BRIP1: variants seen among roughly 807,000 people sequenced by gnomAD.
BRIP1 encodes the protein Fanconi anemia group J protein.
A neutral mutation model predicts 119.7 loss-of-function variants in BRIP1; 88 were observed. The ratio of observed to expected loss-of-function variants is 0.74; its 90% CI spans 0.62 to 0.88. BRIP1 has a LOEUF of 0.88. Among genes scored for constraint, BRIP1 ranks in the 40% least tolerant of loss-of-function variants. The pLI is 0.00. For missense variants in BRIP1, 1,259 were observed against 1,455.4 expected, an observed-to-expected ratio of 0.87 and a Z score of 2.20; for synonymous variants, 443 against 496.5, an observed-to-expected ratio of 0.89 and a Z score of 1.43.
At chr17:61,829,235 A>G (rs1460618020) in intron 6 of BRIP1, among the ~76,000 whole-genome samples, 5 of 152,106 alleles carry the variant, frequency 3.3e-5, no homozygotes, top group Admixed American at 1.3e-4. Context: ...GTTAAAAATA[A>G]AAGGATGAAA....
In BRIP1 at chr17:61,832,521, A is replaced by T. The variant is rs748998291; in HGVS notation, c.627+14580T>A. Among the ~76,000 whole-genome samples, 12 of 152,250 alleles carry T rather than the reference A, an allele frequency of 7.9e-5. No homozygotes were observed. Among genetic ancestry groups the T allele is most frequent in the Non-Finnish European group, 1.5e-4 (10 of 68,030 alleles). On this transcript the variant is annotated intron_variant, in intron 6 of 19. Coordinates refer to ENST00000259008, the MANE Select transcript of BRIP1 (RefSeq NM_032043.3). The surrounding 1 kb of genome is among the most constrained non-coding windows in gnomAD (Gnocchi z 5.5). ...AAAAAATGAAACTGCGTGCCACCTT[A>T]TAAGATGCAATGAGCAGAAGGCATC...
At position 61,846,978 on chromosome 17, in the gene BRIP1, A is replaced by G. The variant is rs1416550121; in HGVS notation, c.627+123T>C. 8.9e-7 allele frequency: 1 copy of G among 1,122,400 alleles called. No homozygotes were observed. The highest frequency in any genetic ancestry group is 1.3e-6 in the Non-Finnish European group (1 of 761,580). 69.5% of individuals were successfully genotyped at this position (1,122,400 alleles called of 1,614,324 possible). A position where few individuals can be genotyped will look rare whatever the true frequency, so the allele number is the denominator to read the frequency against. On this transcript the variant is annotated intron_variant, in intron 6 of 19. Transcript: ENST00000259008. This position sits in a 1 kb window ranked among gnomAD's most constrained non-coding sequence, Gnocchi z 4.3. ...TAGTAACAGAGATGTGACAGCATTG[A>G]GGACTTCTGAGTGGGTTGCTACTGT...
chr17:61,728,347 TC>T, intron 16 of BRIP1, among the ~76,000 whole-genome samples: 2 of 151,914 alleles, frequency 1.3e-5, no homozygotes, highest in South Asian at 4.2e-4. Context: ...CATTTCTTTT[TC>T]CCTCACCTGT....
rs978495306 is a variant in BRIP1 at position 61,736,802 on chromosome 17, A to T, written c.2379+6211T>A. On this transcript the variant is annotated intron_variant, in intron 16 of 19. Coordinates refer to ENST00000259008, the MANE Select transcript of BRIP1 (RefSeq NM_032043.3). The surrounding 1 kb of genome is among the most constrained non-coding windows in gnomAD (Gnocchi z 4.4). ...CTCAAGGTACACCATGAAACAGATT[A>T]TAAAACATCTTTATAAACACTAAAT... 7.2e-5 allele frequency among the ~76,000 whole-genome samples: 11 copies of T among 152,186 alleles called. No homozygotes were observed. Among genetic ancestry groups the T allele is most frequent in the Non-Finnish European group, 1.5e-4 (10 of 68,014 alleles).
rs1023775213 is a variant in BRIP1 at position 61,809,971 on chromosome 17, T to C, written c.628-1214A>G. On this transcript the variant is annotated intron_variant, in intron 6 of 19. Coordinates refer to ENST00000259008, the MANE Select transcript of BRIP1 (RefSeq NM_032043.3). This position sits in a 1 kb window ranked among gnomAD's most constrained non-coding sequence, Gnocchi z 5.2. ...AATTACTCCCAGTCTCACTCAACCTTGTCCGCCATTAAATATTACAATACA... is the reference window on the plus strand; with the variant it reads ...AATTACTCCCAGTCTCACTCAACCTCGTCCGCCATTAAATATTACAATACA... Among the ~76,000 whole-genome samples, 1 of 152,178 alleles carries C rather than the reference T, an allele frequency of 6.6e-6. No individual in the cohort carries two copies. Among genetic ancestry groups the C allele is most frequent in the African/African-American group, 2.4e-5 (1 of 41,458 alleles).
rs2077187991 is a variant in BRIP1 at position 61,755,462 on chromosome 17, G to A, written c.2098-10871C>T. Among the ~76,000 whole-genome samples, 1 of 152,174 alleles carries A rather than the reference G, an allele frequency of 6.6e-6. No homozygotes were observed. The highest frequency in any genetic ancestry group is 2.4e-5 in the African/African-American group (1 of 41,428). Reference sequence around the variant, plus strand: ...TGATCCCAGTTACTCAGGAGGCTGAGGTGGGAGGACTGCTTGAGCCCTGGA... The same window carrying A: ...TGATCCCAGTTACTCAGGAGGCTGAAGTGGGAGGACTGCTTGAGCCCTGGA... On this transcript the variant is annotated intron_variant, in intron 14 of 19. Transcript: ENST00000259008. This position sits in a 1 kb window ranked among gnomAD's most constrained non-coding sequence, Gnocchi z 4.5.
rs2061368210 is a variant in BRIP1 at position 61,686,561 on chromosome 17, T to C, written c.2576-396A>G. 6.6e-6 allele frequency among the ~76,000 whole-genome samples: 1 copy of C among 152,114 alleles called. No homozygotes were observed. Among genetic ancestry groups the C allele is most frequent in the African/African-American group, 2.4e-5 (1 of 41,432 alleles). On this transcript the variant is annotated intron_variant, in intron 18 of 19. Coordinates refer to ENST00000259008, the MANE Select transcript of BRIP1 (RefSeq NM_032043.3). This position sits in a 1 kb window ranked among gnomAD's most constrained non-coding sequence, Gnocchi z 5.4. ...AATACAACTTTCCATTCTAATATTC[T>C]AAATTTTACTCCTTTTGCAAAAATA...
Position 61,825,902 on chromosome 17 carries a change from T to C in BRIP1, c.628-17145A>G, listed in dbSNP as rs934103011. The stretch of plus-strand genomic sequence containing the variant: ...TTCTTCAGAGAACTAGGAAAAACTC[T>C]TTTAAAACTCATATGGAACCAAAAA... On this transcript the variant is annotated intron_variant, in intron 6 of 19. Transcript: ENST00000259008. The surrounding 1 kb of genome is among the most constrained non-coding windows in gnomAD (Gnocchi z 4.1). 4.6e-5 allele frequency among the ~76,000 whole-genome samples: 7 copies of C among 152,076 alleles called. No individual in the cohort carries two copies. Among genetic ancestry groups the C allele is most frequent in the Admixed American group, 2.0e-4 (3 of 15,264 alleles).
rs1060501774 is a variant in BRIP1 at position 61,683,718 on chromosome 17, C to A, written c.3328G>T (p.Glu1110Ter). Residue 1110 changes from glutamate to a stop codon, truncating the protein, a stop_gained, in exon 20 of 20, where the codon GAA becomes TAA. Coordinates refer to ENST00000259008, the MANE Select transcript of BRIP1 (RefSeq NM_032043.3). LOFTEE classifies it low-confidence loss of function (END_TRUNC). The surrounding 1 kb of genome is among the most constrained non-coding windows in gnomAD (Gnocchi z 4.7). ...TTTGAAGTGGACTGTTTATCTTCTT[C>A]ACTTACTAGAGACAATTCAATGTCT... ...DPDIELSLVS[E>*]EDKQSTSNRD... 1 of 1,614,056 alleles carries A rather than the reference C, an allele frequency of 6.2e-7. No homozygotes were observed. The highest frequency in any genetic ancestry group is 8.5e-7 in the Non-Finnish European group (1 of 1,179,970).
rs886053210 is a variant in BRIP1 at position 61,682,396 on chromosome 17, G to T, written c.*900C>A. 6 of 205,054 alleles carry T rather than the reference G, an allele frequency of 2.9e-5. No homozygotes were observed. Among genetic ancestry groups the T allele is most frequent in the Non-Finnish European group, 6.0e-5 (6 of 100,356 alleles). 12.7% of individuals were successfully genotyped at this position (205,054 alleles called of 1,614,324 possible). Reference sequence around the variant, plus strand: ...CAATGATGGTGAAGCTAAATAATTAGAATAGAAAATTTGGAATACTTCATT... The same window carrying T: ...CAATGATGGTGAAGCTAAATAATTATAATAGAAAATTTGGAATACTTCATT... On this transcript the variant is annotated 3_prime_UTR_variant, in exon 20 of 20. Coordinates refer to ENST00000259008, the MANE Select transcript of BRIP1 (RefSeq NM_032043.3). The surrounding 1 kb of genome is among the most constrained non-coding windows in gnomAD (Gnocchi z 4.9).
rs1441948461 is a variant in BRIP1 at position 61,842,941 on chromosome 17, A to G, written c.627+4160T>C. Among the ~76,000 whole-genome samples the G allele has an allele frequency of 6.6e-6, 1 of 152,234 alleles. No homozygotes were observed. Among genetic ancestry groups the G allele is most frequent in the Admixed American group, 6.5e-5 (1 of 15,288 alleles). Reference sequence around the variant, plus strand: ...AGAGTAGAGCTATGATTAAAATCCAAGCAGTCTCAAGATATGAAAATAACC... The same window carrying G: ...AGAGTAGAGCTATGATTAAAATCCAGGCAGTCTCAAGATATGAAAATAACC... On this transcript the variant is annotated intron_variant, in intron 6 of 19. Coordinates refer to ENST00000259008, the MANE Select transcript of BRIP1 (RefSeq NM_032043.3). This position sits in a 1 kb window ranked among gnomAD's most constrained non-coding sequence, Gnocchi z 5.1.
In BRIP1 at chr17:61,730,502, AG is replaced by A. The variant is rs966559463; in HGVS notation, c.2379+12510del. On this transcript the variant is annotated intron_variant, in intron 16 of 19. Coordinates refer to ENST00000259008, the MANE Select transcript of BRIP1 (RefSeq NM_032043.3). The surrounding 1 kb of genome is among the most constrained non-coding windows in gnomAD (Gnocchi z 4.3). Reference sequence around the variant, plus strand: ...GTGTCAATCAACCTTACAAGTCCTCAGGGTGATAATTTCACTTTTAAATCCT... The same window carrying A: ...GTGTCAATCAACCTTACAAGTCCTCAGGTGATAATTTCACTTTTAAATCCT... Among the ~76,000 whole-genome samples the A allele has an allele frequency of 2.0e-5, 3 of 152,198 alleles. No individual in the cohort carries two copies. Among genetic ancestry groups the A allele is most frequent in the African/African-American group, 7.2e-5 (3 of 41,462 alleles).
chr17:61,763,649 A>G (rs1446804357), intron 14 of BRIP1, among the ~76,000 whole-genome samples: 3 of 152,202 alleles, frequency 2.0e-5, no homozygotes, highest in Non-Finnish European at 4.4e-5. Flanking sequence ...AGACTGATGT[A>G]TCTTTTGAAA....
At position 61,679,533 on chromosome 17, in the gene BRIP1, A is replaced by G. The variant is rs1296433824; in HGVS notation, c.*3763T>C. On this transcript the variant is annotated 3_prime_UTR_variant, in exon 20 of 20. Coordinates refer to ENST00000259008, the MANE Select transcript of BRIP1 (RefSeq NM_032043.3). The surrounding 1 kb of genome is among the most constrained non-coding windows in gnomAD (Gnocchi z 4.4). Reference sequence around the variant, plus strand: ...TTATTTCATATGCATTGAATGTGTCACATAAATTATTTGATAAACAATCTC... The same window carrying G: ...TTATTTCATATGCATTGAATGTGTCGCATAAATTATTTGATAAACAATCTC... Among the ~76,000 whole-genome samples the G allele has an allele frequency of 6.6e-6, 1 of 152,192 alleles. No individual in the cohort carries two copies. The highest frequency in any genetic ancestry group is 2.4e-5 in the African/African-American group (1 of 41,446).
At position 61,839,153 on chromosome 17, in the gene BRIP1, T is replaced by C. The variant is rs1043359265; in HGVS notation, c.627+7948A>G. On this transcript the variant is annotated intron_variant, in intron 6 of 19. Transcript: ENST00000259008. ...CTCATATCCCCATTATTTTTTCTTA[T>C]ATTACATTCTTGGAAATAATTAGTC... Among the ~76,000 whole-genome samples, 10 of 152,198 alleles carry C rather than the reference T, an allele frequency of 6.6e-5. 1 individual carries two copies. Among genetic ancestry groups the C allele is most frequent in the African/African-American group, 1.9e-4 (8 of 41,582 alleles).
rs79383472 is a variant in BRIP1, at chr17:61,687,627, T to C, written c.2576-1462A>G. Among the ~76,000 whole-genome samples the C allele has an allele frequency of 6.6e-6, 1 of 152,194 alleles. No individual in the cohort carries two copies. Among genetic ancestry groups the C allele is most frequent in the Non-Finnish European group, 1.5e-5 (1 of 68,032 alleles). ...ATTATAATAAAATGTATTTTTTTTT[T>C]AGCTAAAAGGTAATAATAAAGATAC... On this transcript the variant is annotated intron_variant, in intron 18 of 19. Transcript: ENST00000259008. This position sits in a 1 kb window ranked among gnomAD's most constrained non-coding sequence, Gnocchi z 5.1.
chr17:61,748,946 G>A lies in BRIP1; in HGVS notation c.2098-4355C>T, dbSNP rs918612919. Among the ~76,000 whole-genome samples, 1 of 152,140 alleles carries A rather than the reference G, an allele frequency of 6.6e-6. No homozygotes were observed. Among genetic ancestry groups the A allele is most frequent in the Non-Finnish European group, 1.5e-5 (1 of 68,022 alleles). ...AGGTCAGGAGATTGAGACCATCCTGGCTAACACGGTGAAACCCCATCTCTA... is the reference window on the plus strand; with the variant it reads ...AGGTCAGGAGATTGAGACCATCCTGACTAACACGGTGAAACCCCATCTCTA... On this transcript the variant is annotated intron_variant, in intron 14 of 19. Coordinates refer to ENST00000259008, the MANE Select transcript of BRIP1 (RefSeq NM_032043.3). The surrounding 1 kb of genome is among the most constrained non-coding windows in gnomAD (Gnocchi z 4.7).
At chr17:61,791,104 C>T (rs745370599) in intron 10 of BRIP1, among the ~76,000 whole-genome samples, 12 of 152,010 alleles carry the variant, frequency 7.9e-5, no homozygotes, top group South Asian at 2.1e-4. Flanking sequence ...TCACATGCCC[C>T]GAATACTATT....
chr17:61,765,453 T>C (rs1429444888), intron 14 of BRIP1, among the ~76,000 whole-genome samples: 3 of 102,910 alleles, frequency 2.9e-5, no homozygotes, highest in Non-Finnish European at 6.0e-5. Context: ...TTTTTTTTTT[T>C]GAGACAGAGT....
Sources: allele counts gnomAD v4.1 joint callset (sites outside exome capture counted in the v4.1 genomes callset), GRCh38; gene constraint gnomAD v4.1.1; non-coding constraint Gnocchi (gnomAD v3.1); transcripts MANE v1.5; gene names NCBI Gene and HGNC (gene_info 2026-07-23, HGNC 2026-07-21).